Variants in SEMA3A observed in about 807,000 individuals in gnomAD.
SEMA3A encodes semaphorin-3A.
In SEMA3A, 29 loss-of-function variants were observed where a neutral mutation model predicts 97.9. That is an observed-to-expected ratio of 0.30 (90% CI 0.22 to 0.40). The LOEUF (loss-of-function observed/expected upper bound fraction) is 0.40, where lower values mean the gene tolerates loss of function less well. SEMA3A is among the 10% of genes least tolerant of loss of function. The pLI is 1.00. For synonymous variants in SEMA3A, 321 were observed against 323.7 expected (o/e 0.99, Z 0.09); for missense variants, 763 against 951.3 (o/e 0.80, Z 2.60).
At chr7:84,020,035 C>CTTTTTTTTTTTTTTTTTTTTTTT (rs781108685) in intron 6 of SEMA3A, among the ~76,000 whole-genome samples, 2 of 58,250 alleles carry the variant, frequency 3.4e-5, no homozygotes, top group African/African-American at 6.7e-5. Context: ...TTTTTTCTTT[C>CTTTTTTTTTTTTTTTTTTTTTTT]TTTTTTTTTT....
At chr7:84,066,758 A>G (rs890598657) in intron 4 of SEMA3A, among the ~76,000 whole-genome samples, 28 of 152,136 alleles carry the variant, frequency 1.8e-4, no homozygotes, top group African/African-American at 6.8e-4. Flanking sequence ...ACCACTGCTC[A>G]ATGAAATAAA....
rs559211988 is a variant in SEMA3A at position 84,380,249 on chromosome 7, A to T, written c.-245-8349T>A. 2.0e-5 allele frequency among the ~76,000 whole-genome samples: 3 copies of T among 152,340 alleles called. No homozygotes were observed. The South Asian group carries it at 6.2e-4, about 32-fold the overall frequency. ...TTTGAATGATTAATGCTGTTGCTTT[A>T]AATGCTTTTAGATCAATAAAAATGT... On this transcript the variant is annotated intron_variant, in intron 1 of 3. Transcript: ENST00000424555.
At chr7:84,130,329 C>G (rs530755841) in intron 2 of SEMA3A, among the ~76,000 whole-genome samples, 2 of 152,080 alleles carry the variant, frequency 1.3e-5, no homozygotes, top group African/African-American at 4.8e-5. Flanking sequence ...CAAAGCAAAA[C>G]AAAACACATT....
At chr7:84,485,910 A>G (rs974456493) in intron 1 of SEMA3A, among the ~76,000 whole-genome samples, 1 of 152,190 alleles carries the variant, frequency 6.6e-6, no homozygotes, top group African/African-American at 2.4e-5. Flanking sequence ...GTATTAATCA[A>G]ATATGAGTCT....
intron 2 of SEMA3A, among the ~76,000 whole-genome samples, chr7:84,312,921 T>TATAC (rs1458168481): frequency 4.3e-4 from 14 of 32,884 alleles, no homozygotes; most frequent in African/African-American, 8.9e-4. Context: ...TATATATATA[T>TATAC]ACACACACAC....
chr7:84,299,595 T>C (rs1800957022), intron 3 of SEMA3A, among the ~76,000 whole-genome samples: 4 of 151,370 alleles, frequency 2.6e-5, no homozygotes, highest in Admixed American at 2.6e-4. Context: ...TAAATACCAA[T>C]GGACAGCTTA....
At chr7:84,368,129 C>A (rs552895876) in intron 2 of SEMA3A, among the ~76,000 whole-genome samples, 1 of 151,128 alleles carries the variant, frequency 6.6e-6, no homozygotes, top group South Asian at 2.1e-4. Flanking sequence ...TTATAGATAA[C>A]CCATGGTATT....
chr7:84,349,532 G>A (rs998718748), intron 2 of SEMA3A, among the ~76,000 whole-genome samples: 14 of 152,154 alleles, frequency 9.2e-5, no homozygotes, highest in Non-Finnish European at 1.5e-5. Flanking sequence ...GTTCACAGAT[G>A]GTTTTCCTGA....
chr7:84,178,583 G>A (rs1584088692), intron 1 of SEMA3A, among the ~76,000 whole-genome samples: 2 of 152,038 alleles, frequency 1.3e-5, no homozygotes, highest in Non-Finnish European at 2.9e-5. Context: ...CTAAAACCAA[G>A]CTGTTAATTA....
At chr7:83,990,286 G>A (rs1420940545) in intron 12 of SEMA3A, among the ~76,000 whole-genome samples, 2 of 152,194 alleles carry the variant, frequency 1.3e-5, no homozygotes, top group Non-Finnish European at 2.9e-5. Flanking sequence ...CACTCTGATA[G>A]TAGTTTCTTA....
chr7:84,224,367 T>A (rs1041660108), intron 3 of SEMA3A, among the ~76,000 whole-genome samples: 1 of 152,054 alleles, frequency 6.6e-6, no homozygotes, highest in Non-Finnish European at 1.5e-5. Flanking sequence ...GTTAATTGTG[T>A]TCTCTGTGTG....
intron 1 of SEMA3A, among the ~76,000 whole-genome samples, chr7:84,411,128 T>C (rs1171633351): frequency 6.6e-6 from 1 of 152,096 alleles, no homozygotes; most frequent in Non-Finnish European, 1.5e-5. Flanking sequence ...CAGCTAACTG[T>C]ATCTTAGAAA....
intron 2 of SEMA3A, among the ~76,000 whole-genome samples, chr7:84,324,577 C>T (rs1801728805): frequency 6.6e-6 from 1 of 152,102 alleles, no homozygotes; most frequent in Non-Finnish European, 1.5e-5. Context: ...ATTATATATA[C>T]ATTGGCAATC....
chr7:84,099,059 C>T (rs1412431452), intron 4 of SEMA3A, among the ~76,000 whole-genome samples: 1 of 112,548 alleles, frequency 8.9e-6, no homozygotes, highest in African/African-American at 2.8e-5. Flanking sequence ...TCAGGAATTA[C>T]ATTTTCTTTT....
chr7:83,985,663 A>C (rs1042139205), intron 12 of SEMA3A, among the ~76,000 whole-genome samples, 186 bp from the exon 13 acceptor site: 6 of 152,222 alleles, frequency 3.9e-5, no homozygotes, highest in Admixed American at 3.3e-4. Flanking sequence ...TGGAGCAGGC[A>C]ATAAGATTGT....
At chr7:84,037,018 T>A (rs1791963468) in intron 6 of SEMA3A, among the ~76,000 whole-genome samples, 1 of 152,158 alleles carries the variant, frequency 6.6e-6, no homozygotes, top group Non-Finnish European at 1.5e-5. Flanking sequence ...GATACATGTT[T>A]AATATAATCA....
chr7:84,016,663 T>C (rs1250627372), intron 6 of SEMA3A, among the ~76,000 whole-genome samples: 1 of 152,220 alleles, frequency 6.6e-6, no homozygotes, highest in Non-Finnish European at 1.5e-5. Flanking sequence ...TTTCAAATTA[T>C]GTTTATTTCA....
chr7:84,384,744 C>G (rs1803356869), intron 1 of SEMA3A, among the ~76,000 whole-genome samples: 1 of 152,158 alleles, frequency 6.6e-6, no homozygotes, highest in South Asian at 2.1e-4. Context: ...GAAATTTACA[C>G]TCATGTTCAC....
At chr7:84,142,589 T>A (rs180844112) in intron 1 of SEMA3A, among the ~76,000 whole-genome samples, 159 of 152,294 alleles carry the variant, frequency 1.0e-3, no homozygotes, top group Admixed American at 4.5e-3. Context: ...AAGAACTGAT[T>A]TTGGAAAAGT....
Sources: allele counts gnomAD v4.1 joint callset (sites outside exome capture counted in the v4.1 genomes callset), GRCh38; gene constraint gnomAD v4.1.1; transcripts MANE v1.5; gene names NCBI Gene and HGNC (gene_info 2026-07-23, HGNC 2026-07-21).